Variants in MRTFB observed in about 807,000 individuals in gnomAD.
MRTFB encodes myocardin-related transcription factor B.
In MRTFB, 29 loss-of-function variants were observed where a neutral mutation model predicts 104.2. The observed-to-expected ratio is 0.28, with a 90% CI of 0.21 to 0.38. The LOEUF (loss-of-function observed/expected upper bound fraction) is 0.38, where lower values mean the gene tolerates loss of function less well. MRTFB is among the 10% of genes least tolerant of loss of function. The pLI, the probability that MRTFB is intolerant of heterozygous loss-of-function variation, is 1.00. For synonymous variants in MRTFB, 535 were observed against 519.5 expected, an observed-to-expected ratio of 1.03 and a Z score of -0.41; for missense variants, 1,270 against 1,341.6, an observed-to-expected ratio of 0.95 and a Z score of 0.83.
At chr16:14,129,188 G>T (rs919110376) in intron 2 of MRTFB, among the ~76,000 whole-genome samples, 1 of 152,126 alleles carries the variant, frequency 6.6e-6, no homozygotes, top group Non-Finnish European at 1.5e-5. Context: ...TCCAGTTTGG[G>T]ACAATTATGA....
the MRTFB span, among the ~76,000 whole-genome samples, chr16:14,016,773 CAAAAAAAAAAAAA>C: frequency 1.7e-5 from 1 of 60,458 alleles, no homozygotes; most frequent in African/African-American, 6.5e-5. Flanking sequence ...AACTCTGCCT[CAAAAAAAAAAAAA>C]AAAAAAAAAA....
At chr16:14,238,050 A>AC (rs1197119196) in intron 9 of MRTFB, among the ~76,000 whole-genome samples, 3 of 152,132 alleles carry the variant, frequency 2.0e-5, no homozygotes, top group African/African-American at 7.2e-5. Context: ...CATGAAGTGG[A>AC]CCACTGGTTC....
chr16:14,076,712 G>A (rs9673242), intron 1 of MRTFB, among the ~76,000 whole-genome samples: 35,490 of 152,122 alleles, frequency 0.23, 7,821 homozygotes, highest in African/African-American at 0.57. Context: ...TATAATTGGT[G>A]TAAATACTTT....
chr16:14,119,606 A>G (rs1596936644), intron 2 of MRTFB, among the ~76,000 whole-genome samples: 1 of 152,312 alleles, frequency 6.6e-6, no homozygotes, highest in East Asian at 1.9e-4. Flanking sequence ...CAAGGACTTC[A>G]GATAATTTTT....
At chr16:14,179,334 T>G (rs879610231) in intron 3 of MRTFB, among the ~76,000 whole-genome samples, 2 of 152,220 alleles carry the variant, frequency 1.3e-5, no homozygotes, top group Non-Finnish European at 2.9e-5. Flanking sequence ...GTTGAAACTA[T>G]TACAGTCTGG....
intron 2 of MRTFB, among the ~76,000 whole-genome samples, chr16:14,088,184 G>A (rs925788964): frequency 1.3e-5 from 2 of 152,218 alleles, no homozygotes; most frequent in Non-Finnish European, 2.9e-5. Context: ...TCAAATGAGT[G>A]TGTTCTTTGA....
intron 2 of MRTFB, among the ~76,000 whole-genome samples, chr16:14,104,967 T>C (rs1294096673): frequency 6.6e-6 from 1 of 152,156 alleles, no homozygotes; most frequent in Non-Finnish European, 1.5e-5. Context: ...CTTAGGGCTG[T>C]CAGGATGCCA....
At chr16:14,002,299 C>T in the MRTFB span, among the ~76,000 whole-genome samples, 29 of 151,968 alleles carry the variant, frequency 1.9e-4, no homozygotes, top group East Asian at 4.5e-3. Flanking sequence ...AGGAGAATCG[C>T]TTGAATCCAG....
chr16:14,247,283 A>G lies in MRTFB; in HGVS notation c.2023A>G (p.Lys675Glu). The change falls in exon 12 of 17, where the codon AAA (lysine) becomes GAA (glutamate). Residue 675 changes from lysine (K) to glutamate (E), a missense_variant. Lys to Glu is a moderately conservative substitution (Grantham distance 56, BLOSUM62 1). This residue lies in a region of MRTFB where 1,144 missense variants were observed against 1,131.5 expected (regional missense o/e 1.01). Coordinates refer to ENST00000571589, the MANE Select transcript of MRTFB (RefSeq NM_001308142.2). ...VSTGGQTLVA[K>E]KAVVIKQEVP... ...TACAGGTGGCCAGACCCTTGTTGCC[A>G]AAAAGGCTGTAGTTATCAAGCAAGA... 6.2e-7 allele frequency: 1 copy of G among 1,614,166 alleles called. No homozygotes were observed. The highest frequency in any genetic ancestry group is 1.1e-5 in the South Asian group (1 of 91,084).
chr16:14,029,441 T>C, the MRTFB span, among the ~76,000 whole-genome samples: 625 of 56,322 alleles, frequency 0.011, 6 homozygotes, highest in African/African-American at 0.023. Context: ...TATATATATA[T>C]ATATACACAC....
At chr16:14,079,456 GT>G (rs1407154121) in intron 2 of MRTFB, 102 bp downstream of exon 2, 6 of 309,410 alleles carry the variant, frequency 1.9e-5, no homozygotes, top group Admixed American at 1.0e-4. Flanking sequence ...CAGGGAGATT[GT>G]TTTAGGAGTG....
intron 13 of MRTFB, among the ~76,000 whole-genome samples, chr16:14,250,873 A>G (rs1226879286): frequency 2.0e-5 from 3 of 152,318 alleles, no homozygotes; most frequent in South Asian, 2.1e-4. Flanking sequence ...TGATAGTCCT[A>G]TTTACCTAAG....
chr16:14,142,692 G>GA (rs2038074289), intron 3 of MRTFB: 4 of 152,250 alleles, frequency 2.6e-5, no homozygotes, highest in Admixed American at 2.0e-4. Context: ...TACCCTAAAA[G>GA]AAAATAAGAG....
In MRTFB at chr16:14,173,216, T is replaced by G. The variant is rs186116071; in HGVS notation, c.154+32456T>G. On this transcript the variant is annotated intron_variant, in intron 3 of 16. Transcript: ENST00000571589. The stretch of plus-strand genomic sequence containing the variant: ...CTTGGATGTTTTCATTTTTTCCATA[T>G]GAACTTGAGTATCAACTTGCCTTAG... Among the ~76,000 whole-genome samples the G allele has an allele frequency of 1.5e-3, 229 of 152,284 alleles. 1 individual carries two copies. Among genetic ancestry groups the G allele is most frequent in the Non-Finnish European group, 4.4e-4 (30 of 67,996 alleles).
intron 3 of MRTFB, among the ~76,000 whole-genome samples, chr16:14,196,394 C>T (rs1451374230): frequency 1.3e-5 from 2 of 152,196 alleles, no homozygotes; most frequent in African/African-American, 2.4e-5. Flanking sequence ...GTAAATGCTA[C>T]ATTCTAGATT....
At chr16:14,122,480 T>C (rs1242947431) in intron 2 of MRTFB, among the ~76,000 whole-genome samples, 6 of 152,152 alleles carry the variant, frequency 3.9e-5, no homozygotes, top group Non-Finnish European at 7.4e-5. Flanking sequence ...TTTCCCTCCC[T>C]GTGTCCATGT....
intron 8 of MRTFB, among the ~76,000 whole-genome samples, chr16:14,221,642 G>A (rs59785985): frequency 0.011 from 1,600 of 152,140 alleles, 30 homozygotes; most frequent in African/African-American, 0.036. Flanking sequence ...GTCTTTCAGG[G>A]GTTCTTTGAG....
At position 14,148,147 on chromosome 16, in the gene MRTFB, TATACATAATATAA is replaced by T. The variant is rs2038416566; in HGVS notation, c.154+7390_154+7402del. On this transcript the variant is annotated intron_variant, in intron 3 of 16. Coordinates refer to ENST00000571589, the MANE Select transcript of MRTFB (RefSeq NM_001308142.2). The stretch of plus-strand genomic sequence containing the variant: ...CTCAGAAAGCAATTATGAAAGATAA[TATACATAATATAA>T]ATGATCAGTTAAATAAGTATGACTC... 1.5e-4 allele frequency among the ~76,000 whole-genome samples: 23 copies of T among 152,326 alleles called. No homozygotes were observed. In the South Asian group the frequency reaches 4.8e-3, roughly 32 times the overall value.
At chr16:14,223,363 T>C (rs1415683120) in intron 8 of MRTFB, among the ~76,000 whole-genome samples, 3 of 151,506 alleles carry the variant, frequency 2.0e-5, no homozygotes, top group Non-Finnish European at 2.9e-5. Context: ...ACAAAATAAA[T>C]CTCCAGAAAC....
Sources: gnomAD v4.1 joint callset for allele counts (sites outside exome capture counted in the v4.1 genomes callset) on GRCh38, gnomAD v4.1.1 for gene constraint, gnomAD v4.1.1 regional missense constraint, MANE v1.5 for transcripts, NCBI Gene and HGNC (gene_info 2026-07-23, HGNC 2026-07-21) for gene names.